Variants in CACNA2D3 observed in about 807,000 individuals in gnomAD.
CACNA2D3 encodes the protein calcium voltage-gated channel auxiliary subunit alpha2delta 3, also known as voltage-dependent calcium channel subunit alpha-2/delta-3.
CACNA2D3 carries 60 observed loss-of-function variants against 160.6 expected under a neutral mutation model. The ratio of observed to expected loss-of-function variants is 0.37; its 90% CI spans 0.30 to 0.46. The LOEUF (loss-of-function observed/expected upper bound fraction) is 0.46. CACNA2D3 is among the 20% of genes least tolerant of loss of function. The pLI is 1.00. For missense variants in CACNA2D3, 1,205 were observed against 1,365.0 expected (o/e 0.88, Z 1.85); for synonymous variants, 558 against 492.9 (o/e 1.13, Z -1.75).
At chr3:54,254,296 G>C (rs1328896692) in intron 2 of CACNA2D3, among the ~76,000 whole-genome samples, 2 of 152,126 alleles carry the variant, frequency 1.3e-5, no homozygotes, top group Non-Finnish European at 2.9e-5. Context: ...AGATAGAGTG[G>C]TTCATTATCT....
chr3:55,024,453 C>G (rs548328450), intron 35 of CACNA2D3, among the ~76,000 whole-genome samples: 194 of 152,092 alleles, frequency 1.3e-3, no homozygotes, highest in Non-Finnish European at 2.3e-3. Flanking sequence ...AGAAGAGAGG[C>G]CTTTAGGAGA....
rs1407919026 is a variant in CACNA2D3, at chr3:55,049,693, G to C, written c.2988-23752G>C. On this transcript the variant is annotated intron_variant, in intron 35 of 37. Coordinates refer to ENST00000474759, the MANE Select transcript of CACNA2D3 (RefSeq NM_018398.3). The stretch of plus-strand genomic sequence containing the variant: ...CTGTCTCGTTGATCTGTCTGATATT[G>C]ACAGTGGGGTGTTAAAGTCTCCCAT... Among the ~76,000 whole-genome samples, 13 of 147,806 alleles carry C rather than the reference G, an allele frequency of 8.8e-5. No homozygotes were observed. The South Asian group carries it at 2.8e-3, about 32-fold the overall frequency.
intron 21 of CACNA2D3, among the ~76,000 whole-genome samples, chr3:54,881,408 T>C (rs1278987940): frequency 6.6e-6 from 1 of 152,172 alleles, no homozygotes; most frequent in Non-Finnish European, 1.5e-5. Context: ...AGGGAGTAAG[T>C]AGCACCTTGA....
intron 2 of CACNA2D3, among the ~76,000 whole-genome samples, chr3:54,156,487 A>G (rs1052467102): frequency 6.6e-6 from 1 of 152,206 alleles, no homozygotes; most frequent in Non-Finnish European, 1.5e-5. Flanking sequence ...TGCATCTGCT[A>G]CACCCGTAGT....
At chr3:55,073,673 G>GT in intron 36 of CACNA2D3, 104 bp from the exon 37 acceptor site, 1 of 1,236,872 alleles carries the variant, frequency 8.1e-7, no homozygotes, top group South Asian at 1.3e-5. Context: ...TTCCACTGTT[G>GT]GAGAGAGAGA....
chr3:54,201,142 G>A (rs1401624661), intron 2 of CACNA2D3, among the ~76,000 whole-genome samples: 3 of 152,122 alleles, frequency 2.0e-5, no homozygotes, highest in South Asian at 2.1e-4. Context: ...TCATAATTTC[G>A]GAATACTGAT....
chr3:54,645,745 A>G (rs564342073), intron 11 of CACNA2D3, among the ~76,000 whole-genome samples: 3 of 152,308 alleles, frequency 2.0e-5, no homozygotes, highest in Admixed American at 6.5e-5. Context: ...CCTAAACTCA[A>G]AACTCCCTAG....
At chr3:54,942,790 C>T (rs1015654428) in intron 27 of CACNA2D3, among the ~76,000 whole-genome samples, 10 of 152,024 alleles carry the variant, frequency 6.6e-5, no homozygotes, top group Non-Finnish European at 1.3e-4. Context: ...TTTGGGAGGC[C>T]GAGGCGGGTG....
At chr3:54,701,412 A>G (rs552912091) in intron 11 of CACNA2D3, among the ~76,000 whole-genome samples, 1 of 152,178 alleles carries the variant, frequency 6.6e-6, no homozygotes, top group African/African-American at 2.4e-5. Flanking sequence ...CATCCTCTCT[A>G]TATCTAATAT....
intron 13 of CACNA2D3, among the ~76,000 whole-genome samples, chr3:54,794,236 G>A (rs1345281990): frequency 6.6e-6 from 1 of 151,830 alleles, no homozygotes; most frequent in Non-Finnish European, 1.5e-5. Flanking sequence ...ACACCTCTTA[G>A]TTGTTTCTTT....
intron 4 of CACNA2D3, among the ~76,000 whole-genome samples, chr3:54,437,110 G>A (rs918090353): frequency 2.0e-5 from 3 of 152,110 alleles, no homozygotes; most frequent in Admixed American, 2.0e-4. Flanking sequence ...TCAAATCATG[G>A]TAATACACTT....
intron 3 of CACNA2D3, among the ~76,000 whole-genome samples, chr3:54,360,575 G>A (rs944610247): frequency 2.0e-5 from 3 of 152,076 alleles, no homozygotes; most frequent in African/African-American, 4.8e-5. Context: ...GCTATCAATC[G>A]TTACCTTTGG....
intron 4 of CACNA2D3, among the ~76,000 whole-genome samples, chr3:54,475,561 A>G (rs527296187): frequency 3.9e-5 from 6 of 152,212 alleles, no homozygotes; most frequent in Admixed American, 6.5e-5. Context: ...TCTTGGGATG[A>G]TGGGAGAGCT....
chr3:54,148,989 A>T (rs1440204898), intron 2 of CACNA2D3, among the ~76,000 whole-genome samples: 2 of 151,628 alleles, frequency 1.3e-5, no homozygotes, highest in Non-Finnish European at 2.9e-5. Flanking sequence ...AAAAAAAAAA[A>T]AAAAAAATAG....
chr3:54,554,534 C>G (rs1226471603), intron 5 of CACNA2D3, among the ~76,000 whole-genome samples: 1 of 152,174 alleles, frequency 6.6e-6, no homozygotes, highest in Non-Finnish European at 1.5e-5. Flanking sequence ...TTCCACTGTT[C>G]TGGGACTAGT....
chr3:54,423,160 A>G lies in CACNA2D3; in HGVS notation c.381+36386A>G, dbSNP rs531403079. On this transcript the variant is annotated intron_variant, in intron 4 of 37. Coordinates refer to ENST00000474759, the MANE Select transcript of CACNA2D3 (RefSeq NM_018398.3). Reference sequence around the variant, plus strand: ...ATACGTCTATCATGAGAGAGGAAAAAGTCTGTTGATGACATCTGGGAAGGG... The same window carrying G: ...ATACGTCTATCATGAGAGAGGAAAAGGTCTGTTGATGACATCTGGGAAGGG... Among the ~76,000 whole-genome samples, 6 of 152,328 alleles carry G rather than the reference A, an allele frequency of 3.9e-5. 1 individual carries two copies. The South Asian group carries it at 1.0e-3, about 26-fold the overall frequency.
rs186713060 is a variant in CACNA2D3, at chr3:54,603,987, T to A, written c.963+22110T>A. Among the ~76,000 whole-genome samples, 5 of 152,348 alleles carry A rather than the reference T, an allele frequency of 3.3e-5. No individual in the cohort carries two copies. The East Asian group carries it at 9.6e-4, about 29-fold the overall frequency. On this transcript the variant is annotated intron_variant, in intron 9 of 37. Transcript: ENST00000474759. Reference sequence around the variant, plus strand: ...CTGTATTTTAGATGGATACATAGCATTCCAACCTCCTTATTATTGAAAATA... The same window carrying A: ...CTGTATTTTAGATGGATACATAGCAATCCAACCTCCTTATTATTGAAAATA...
intron 14 of CACNA2D3, among the ~76,000 whole-genome samples, chr3:54,824,431 G>A (rs1703706397): frequency 6.6e-6 from 1 of 152,190 alleles, no homozygotes; most frequent in African/African-American, 2.4e-5. Context: ...AAATGAAGTG[G>A]GGTGAGAATG....
intron 11 of CACNA2D3, among the ~76,000 whole-genome samples, chr3:54,714,720 A>T (rs1055040341): frequency 5.3e-5 from 8 of 152,214 alleles, no homozygotes; most frequent in African/African-American, 1.9e-4. Context: ...CACGAGGATG[A>T]TGGTAGCACT....
Sources: allele counts gnomAD v4.1 joint callset (sites outside exome capture counted in the v4.1 genomes callset), GRCh38; gene constraint gnomAD v4.1.1; transcripts MANE v1.5; gene names NCBI Gene and HGNC (gene_info 2026-07-23, HGNC 2026-07-21).